Variants in RPS3A observed in about 807,000 individuals in gnomAD.
RPS3A encodes small ribosomal subunit protein eS1.
Under a neutral mutation model 26.4 loss-of-function variants are expected in RPS3A, and 1 was observed. That is an observed-to-expected ratio of 0.04 (90% CI 0.01 to 0.18). The LOEUF (loss-of-function observed/expected upper bound fraction) is 0.18. Among genes scored for constraint, RPS3A ranks in the 10% least tolerant of loss-of-function variants. The pLI is 1.00. For synonymous variants in RPS3A, 97 were observed against 106.1 expected (o/e 0.91, Z 0.53); for missense variants, 139 against 326.8 (o/e 0.43, Z 4.43).
At position 151,101,028 on chromosome 4, in the gene RPS3A, T is replaced by C. The variant is rs752291359; in HGVS notation, c.220T>C (p.Leu74=). The change falls in exon 3 of 6, where the codon TTG becomes CTG. Residue 74 remains leucine, a synonymous_variant. Coordinates refer to ENST00000274065, the MANE Select transcript of RPS3A (RefSeq NM_001006.5). The stretch of plus-strand genomic sequence containing the variant: ...TGTGTTTGAAGTGAGTCTTGCTGAT[T>C]TGCAGAATGATGAAGTTGCATTTAG... The part of the protein sequence containing the change: ...GRVFEVSLAD[L]QNDEVAFRKF... 3 of 1,591,726 alleles carry C rather than the reference T, an allele frequency of 1.9e-6. No homozygotes were observed. Among genetic ancestry groups the C allele is most frequent in the Non-Finnish European group, 8.5e-7 (1 of 1,171,992 alleles).
At chr4:151,100,373 G>A (rs1028248135) in intron 1 of RPS3A, 112 bp from the exon 2 acceptor site, 10 of 642,178 alleles carry the variant, frequency 1.6e-5, no homozygotes, top group Non-Finnish European at 2.5e-5. Flanking sequence ...ATATACTTTG[G>A]TATCAAATTG....
At chr4:151,100,904 C>T (rs538904210) in intron 2 of RPS3A, 71 bp from the exon 3 acceptor site, 6 of 1,040,838 alleles carry the variant, frequency 5.8e-6, no homozygotes, top group African/African-American at 3.2e-5. Flanking sequence ...TAATTTCTAC[C>T]CTCAGTTTAC....
At chr4:151,103,361 C>A in intron 4 of RPS3A, 1 of 591,444 alleles carries the variant, frequency 1.7e-6, no homozygotes, top group Non-Finnish European at 2.3e-6. Flanking sequence ...TCAAGCAGTT[C>A]TTGAGCCTCA....
intron 3 of RPS3A, 39 bp from the exon 4 acceptor site, chr4:151,102,832 G>A (rs1478512903): frequency 3.8e-6 from 6 of 1,586,670 alleles, no homozygotes; most frequent in Non-Finnish European, 5.2e-6. Context: ...AATGGATAAC[G>A]TAAAACCTGT....
At chr4:151,104,150 A>G (rs903755113) in intron 4 of RPS3A, 27 bp from the exon 5 acceptor site, 2 of 1,587,728 alleles carry the variant, frequency 1.3e-6, no homozygotes, top group Admixed American at 3.9e-5. Flanking sequence ...GACTTTTAGA[A>G]AAAAATTTAC....
At chr4:151,101,965 TC>T (rs1180662510) in intron 3 of RPS3A, 2 of 458,756 alleles carry the variant, frequency 4.4e-6, no homozygotes, top group Non-Finnish European at 8.5e-6. Flanking sequence ...ACTCCTGACT[TC>T]AAGTGATCTG....
rs752826990 is a variant in RPS3A, at chr4:151,104,535, C to A, written c.737C>A (p.Thr246Lys). 2.6e-4 allele frequency: 411 copies of A among 1,555,288 alleles called. No individual in the cohort carries two copies. Among genetic ancestry groups the A allele is most frequent in the Non-Finnish European group, 3.3e-4 (390 of 1,166,616 alleles). ...TCTGGAAAAGCCACTGGGGACGAGA[C>A]AGGTGCTAAAGTTGAACGAGCTGAT... Reference protein sequence around the residue: ...SSSGKATGDETGAKVERADGY... With the variant: ...SSSGKATGDEKGAKVERADGY... The change falls in exon 6 of 6, where the codon ACA (threonine) becomes AAA (lysine). Residue 246 changes from threonine (T) to lysine (K), a missense_variant. Coordinates refer to ENST00000274065, the MANE Select transcript of RPS3A (RefSeq NM_001006.5).
At chr4:151,102,128 T>C in intron 3 of RPS3A, 1 of 515,496 alleles carries the variant, frequency 1.9e-6, no homozygotes, top group East Asian at 5.5e-5. Flanking sequence ...ATCCTGACAT[T>C]CCTCTAAGGC....
rs1442788984 is a variant in RPS3A at position 151,104,493 on chromosome 4, A to T, written c.695A>T (p.His232Leu). ...TTAGTGGGAAAGCTCATGGAGCTTC[A>T]TGGTGAAGGCAGTAGTTCTGGAAAA... ...KFELGKLMELHGEGSSSGKAT... is the reference protein window; with the variant it reads ...KFELGKLMELLGEGSSSGKAT... Residue 232 changes from histidine to leucine, a missense_variant, in exon 6 of 6, where the codon CAT (histidine) becomes CTT (leucine). Physicochemically the swap from His to Leu is moderately conservative, Grantham distance 99. Transcript: ENST00000274065. The T allele has an allele frequency of 5.7e-6, 7 of 1,225,064 alleles. No individual in the cohort carries two copies. The highest frequency in any genetic ancestry group is 1.8e-5 in the African/African-American group (1 of 56,274). 75.9% of individuals were successfully genotyped at this position (1,225,064 alleles called of 1,614,324 possible). A position where few individuals can be genotyped will look rare whatever the true frequency, so the allele number is the denominator to read the frequency against.
chr4:151,100,067 C>A, intron 1 of RPS3A: 1 of 548,966 alleles, frequency 1.8e-6, no homozygotes, highest in South Asian at 1.5e-5. Context: ...ATTCAGGACC[C>A]GTCAATCTCG....
At chr4:151,102,694 GGGTAACTT>G (rs2149704369) in intron 3 of RPS3A, 169 bp from the exon 4 acceptor site, 1 of 717,226 alleles carries the variant, frequency 1.4e-6, no homozygotes. Flanking sequence ...AAGAATTTGG[GGGTAACTT>G]GGTAAGTTCA....
intron 5 of RPS3A, 30 bp from the exon 6 acceptor site, chr4:151,104,442 T>TTTTG: frequency 8.1e-7 from 1 of 1,229,468 alleles, no homozygotes; most frequent in South Asian, 1.9e-5. Flanking sequence ...TTTTTTGGTT[T>TTTTG]TTTTTTTTTT....
chr4:151,100,024 A>G (rs1189791490), intron 1 of RPS3A: 5 of 608,158 alleles, frequency 8.2e-6, no homozygotes, highest in African/African-American at 7.2e-5. Flanking sequence ...TGGCACTGCG[A>G]CAGCAGGAGT....
At chr4:151,100,721 C>A in intron 2 of RPS3A, 133 bp downstream of exon 2, 2 of 656,828 alleles carry the variant, frequency 3.0e-6, no homozygotes, top group Non-Finnish European at 5.3e-6. Flanking sequence ...AGCCTTGGCA[C>A]CTGTGGTGAT....
rs1407070140 is a variant in RPS3A, at chr4:151,101,165, G to A, written c.354+3G>A. On this transcript the variant is annotated splice_donor_region_variant and intron_variant, in intron 3 of 5. Coordinates refer to ENST00000274065, the MANE Select transcript of RPS3A (RefSeq NM_001006.5). ...GTTCCATGGTCAAAAAATGGCAGGT[G>A]AGACCCAAAGTTCCTTAGAGTGGTT... 2 of 1,596,460 alleles carry A rather than the reference G, an allele frequency of 1.3e-6. No homozygotes were observed. Among genetic ancestry groups the A allele is most frequent in the Middle Eastern group, 3.3e-4 (2 of 5,988 alleles).
At chr4:151,101,681 G>T (rs1561164478) in intron 3 of RPS3A, among the ~76,000 whole-genome samples, 1 of 152,198 alleles carries the variant, frequency 6.6e-6, no homozygotes, top group Non-Finnish European at 1.5e-5. Flanking sequence ...TTGTGAGGAT[G>T]AAATGAAAAT....
In RPS3A at chr4:151,103,001, G is replaced by A. The variant is rs1419453482; in HGVS notation, c.485G>A (p.Arg162His). The change falls in exon 4 of 6, where the codon CGC becomes CAC. Residue 162 changes from arginine to histidine, a missense_variant. Arg to His is a conservative substitution (Grantham distance 29). Around this residue, in one of 3 missense-constraint regions of RPS3A, gnomAD observed 96 missense variants for 209.8 expected, o/e 0.46. Transcript: ENST00000274065. ...KTSYAQHQQV[R>H]QIRKKMMEIM... The stretch of plus-strand genomic sequence containing the variant: ...TCTTATGCTCAGCACCAACAGGTCC[G>A]CCAAATCCGGAAGAAGATGATGGAA... The A allele has an allele frequency of 4.4e-6, 7 of 1,602,312 alleles. No individual in the cohort carries two copies. The highest frequency in any genetic ancestry group is 5.9e-6 in the Non-Finnish European group (7 of 1,179,486).
chr4:151,102,773 T>C, intron 3 of RPS3A, 98 bp from the exon 4 acceptor site: 2 of 1,270,402 alleles, frequency 1.6e-6, no homozygotes, highest in Non-Finnish European at 2.1e-6. Flanking sequence ...TTATATTTAA[T>C]AATGAGTGTT....
intron 4 of RPS3A, 142 bp from the exon 5 acceptor site, chr4:151,104,035 T>A (rs1477957547): frequency 1.3e-6 from 2 of 1,489,012 alleles, no homozygotes; most frequent in Non-Finnish European, 1.8e-6. Flanking sequence ...TAATGGCTTA[T>A]CTTAACAGGA....
Sources: allele counts gnomAD v4.1 joint callset (sites outside exome capture counted in the v4.1 genomes callset), GRCh38; gene constraint gnomAD v4.1.1; regional missense constraint gnomAD v4.1.1; transcripts MANE v1.5; gene names NCBI Gene and HGNC (gene_info 2026-07-23, HGNC 2026-07-21).